BLTP1: variants seen among roughly 807,000 people sequenced by gnomAD.
BLTP1 encodes fragile site-associated protein.
the BLTP1 span, among the ~76,000 whole-genome samples, chr4:122,314,706 C>G: frequency 1.3e-5 from 2 of 152,132 alleles, no homozygotes; most frequent in Admixed American, 6.6e-5. Flanking sequence ...GGCCTAGAGT[C>G]TGACAAAGAA....
the BLTP1 span, among the ~76,000 whole-genome samples, chr4:122,321,541 A>G: frequency 2.0e-5 from 3 of 152,114 alleles, no homozygotes; most frequent in Admixed American, 6.5e-5. Context: ...ATGTGTGTGT[A>G]TATATACACA....
the BLTP1 span, chr4:122,257,437 T>C: frequency 6.2e-7 from 1 of 1,613,846 alleles, no homozygotes; most frequent in African/African-American, 1.3e-5. Flanking sequence ...GATTGGACAA[T>C]GGGGGTGGTC....
At chr4:122,332,336 T>C in the BLTP1 span, among the ~76,000 whole-genome samples, 1 of 152,024 alleles carries the variant, frequency 6.6e-6, no homozygotes, top group Non-Finnish European at 1.5e-5. Flanking sequence ...ATAAAAAGGA[T>C]GACTATTAGT....
At chr4:122,231,751 A>G in the BLTP1 span, 4 of 976,470 alleles carry the variant, frequency 4.1e-6, no homozygotes, top group African/African-American at 7.0e-5. Context: ...TATTCTAGGT[A>G]AGGAGATAAA....
At chr4:122,220,309 C>T in the BLTP1 span, 12 of 1,606,698 alleles carry the variant, frequency 7.5e-6, no homozygotes, top group Non-Finnish European at 1.0e-5. Flanking sequence ...TGCATTTCAA[C>T]TGTGCTATTT....
At chr4:122,317,799 T>C in the BLTP1 span, among the ~76,000 whole-genome samples, 3 of 152,170 alleles carry the variant, frequency 2.0e-5, no homozygotes, top group Non-Finnish European at 4.4e-5. Flanking sequence ...AAAAATGACT[T>C]GAAGCAAAAT....
the BLTP1 span, among the ~76,000 whole-genome samples, chr4:122,191,872 A>C: frequency 2.0e-5 from 3 of 152,052 alleles, no homozygotes; most frequent in East Asian, 3.8e-4. Flanking sequence ...TGCCAAAAAA[A>C]CCTCTTATAC....
chr4:122,164,707 T>C, the BLTP1 span, among the ~76,000 whole-genome samples: 2 of 152,196 alleles, frequency 1.3e-5, no homozygotes, highest in Non-Finnish European at 2.9e-5. Context: ...TGGTATGGAC[T>C]CAGATACCTG....
the BLTP1 span, chr4:122,352,812 CTG>C: frequency 0.014 from 20,433 of 1,488,656 alleles, 178 homozygotes; most frequent in Non-Finnish European, 0.016. Flanking sequence ...TCACCTGAGA[CTG>C]TAGAAAGTAG....
chr4:122,281,480 C>T, the BLTP1 span: 1 of 1,448,006 alleles, frequency 6.9e-7, no homozygotes, highest in Non-Finnish European at 9.1e-7. Flanking sequence ...TGATTTTCTA[C>T]AATAAAATGG....
chr4:122,190,092 T>C, the BLTP1 span: 1 of 1,612,112 alleles, frequency 6.2e-7, no homozygotes, highest in Non-Finnish European at 8.5e-7. Context: ...ATTGTTGTTG[T>C]TGTTGTTGCT....
the BLTP1 span, chr4:122,184,546 G>C: frequency 5.1e-6 from 1 of 196,136 alleles, no homozygotes; most frequent in Non-Finnish European, 9.2e-6. Flanking sequence ...GGCTGAGGTG[G>C]GAGAATTGCT....
At chr4:122,307,193 T>TATAC in the BLTP1 span, among the ~76,000 whole-genome samples, 2 of 152,270 alleles carry the variant, frequency 1.3e-5, no homozygotes, top group African/African-American at 4.8e-5. Flanking sequence ...TTATGTTTCA[T>TATAC]ATACACCATA....
At chr4:122,317,506 G>A in the BLTP1 span, among the ~76,000 whole-genome samples, 1,104 of 152,168 alleles carry the variant, frequency 7.3e-3, 9 homozygotes, top group South Asian at 0.03. Context: ...TCTGTTGCCT[G>A]CTGGATATTA....
the BLTP1 span, chr4:122,271,262 A>T: frequency 5.0e-6 from 8 of 1,613,994 alleles, no homozygotes; most frequent in Non-Finnish European, 6.8e-6. Context: ...TCAGTTTAGC[A>T]CAATGATAGA....
chr4:122,330,248 G>T, the BLTP1 span, among the ~76,000 whole-genome samples: 1 of 151,800 alleles, frequency 6.6e-6, no homozygotes, highest in East Asian at 1.9e-4. Flanking sequence ...ATACCCAGAA[G>T]TGGGATCTCT....
chr4:122,212,828 GC>G, the BLTP1 span, among the ~76,000 whole-genome samples: 499 of 152,194 alleles, frequency 3.3e-3, 3 homozygotes, highest in African/African-American at 0.011. Context: ...AGTTTGTCTT[GC>G]CCTAAATATT....
At chr4:122,346,773 T>C in the BLTP1 span, 6 of 1,606,290 alleles carry the variant, frequency 3.7e-6, no homozygotes, top group Non-Finnish European at 4.3e-6. Context: ...AAGCTTGTTA[T>C]GTAATTTTAA....
the BLTP1 span, chr4:122,152,610 G>A: frequency 1.0e-6 from 1 of 985,582 alleles, no homozygotes; most frequent in Non-Finnish European, 1.2e-6. Context: ...GGGCCAGACG[G>A]GGTTGAGGTC....
Sources: allele counts gnomAD v4.1 joint callset (sites outside exome capture counted in the v4.1 genomes callset), GRCh38; gene constraint gnomAD v4.1.1; transcripts MANE v1.5; gene names NCBI Gene and HGNC (gene_info 2026-07-23, HGNC 2026-07-21).